NEDD4L: variants seen among roughly 807,000 people sequenced by gnomAD.
NEDD4L encodes E3 ubiquitin-protein ligase NEDD4-like.
NEDD4L carries 54 observed loss-of-function variants against 148.9 expected under a neutral mutation model. The ratio of observed to expected loss-of-function variants is 0.36; its 90% CI spans 0.29 to 0.45. The LOEUF is 0.45. Among genes scored for constraint, NEDD4L ranks in the 20% least tolerant of loss-of-function variants. NEDD4L has a pLI of 1.00. For synonymous variants in NEDD4L, 433 were observed against 440.7 expected (o/e 0.98, Z 0.22); for missense variants, 856 against 1,233.8 (o/e 0.69, Z 4.59).
rs2041542648 is a variant in NEDD4L, at chr18:58,202,615, C to CTCCAGCCTG, written c.122+36755_122+36763dup. On this transcript the variant is annotated intron_variant, in intron 2 of 30. Coordinates refer to ENST00000400345, the MANE Select transcript of NEDD4L (RefSeq NM_001144967.3). ...ATTTGCACTTCCTCCTGGTGCGCTC[C>CTCCAGCCTG]TCCAGCCTGCCTGTCCTGTTCACAC... is the stretch of plus-strand genomic sequence containing the variant. Among the ~76,000 whole-genome samples the CTCCAGCCTG allele has an allele frequency of 2.0e-5, 3 of 152,240 alleles. No individual in the cohort carries two copies. The South Asian group carries it at 6.2e-4, about 31-fold the overall frequency.
chr18:58,298,848 C>T (rs1334684589), intron 5 of NEDD4L, among the ~76,000 whole-genome samples: 1 of 152,192 alleles, frequency 6.6e-6, no homozygotes, highest in African/African-American at 2.4e-5. Context: ...CATATTATTT[C>T]TTCCAGCAAA....
intron 5 of NEDD4L, among the ~76,000 whole-genome samples, chr18:58,260,455 C>T (rs2049214549): frequency 6.6e-6 from 1 of 152,218 alleles, no homozygotes; most frequent in African/African-American, 2.4e-5. Flanking sequence ...GTTTCTGTAG[C>T]ACTTCACAAT....
intron 18 of NEDD4L, among the ~76,000 whole-genome samples, chr18:58,352,044 T>G (rs954626096): frequency 1.3e-5 from 2 of 152,218 alleles, no homozygotes; most frequent in South Asian, 2.1e-4. Context: ...GAGGGCTTAT[T>G]ATAAATGGAA....
chr18:58,141,605 AATC>A (rs1242199783), intron 1 of NEDD4L, among the ~76,000 whole-genome samples: 1 of 152,180 alleles, frequency 6.6e-6, no homozygotes, highest in Non-Finnish European at 1.5e-5. Flanking sequence ...GTGTACAAAC[AATC>A]AGGAATTCAT....
chr18:58,089,719 A>G (rs1265032518), intron 1 of NEDD4L, among the ~76,000 whole-genome samples: 1 of 152,220 alleles, frequency 6.6e-6, no homozygotes, highest in Non-Finnish European at 1.5e-5. Flanking sequence ...GCAGTTCTAC[A>G]GGCCAGAAGC....
chr18:58,128,281 A>T (rs772085723), intron 1 of NEDD4L, among the ~76,000 whole-genome samples: 14 of 152,164 alleles, frequency 9.2e-5, no homozygotes, highest in Non-Finnish European at 1.8e-4. Flanking sequence ...TCCTGGCCTC[A>T]GGTGATCCAC....
At chr18:58,392,464 C>T (rs1254906699) in intron 30 of NEDD4L, among the ~76,000 whole-genome samples, 1 of 152,170 alleles carries the variant, frequency 6.6e-6, no homozygotes, top group Non-Finnish European at 1.5e-5. Flanking sequence ...TTCTCATGAA[C>T]ATGTGTTTGC....
intron 24 of NEDD4L, among the ~76,000 whole-genome samples, chr18:58,374,424 T>G (rs1864921): frequency 0.51 from 76,686 of 151,766 alleles, 20,418 homozygotes; most frequent in African/African-American, 0.69. Context: ...ATCAAGTCCT[T>G]TAAAAATCTC....
rs904492158 is a variant in NEDD4L, at chr18:58,342,918, T to C, written c.1390T>C (p.Ser464Pro). 6.2e-7 allele frequency: 1 copy of C among 1,608,348 alleles called. No homozygotes were observed. The highest frequency in any genetic ancestry group is 8.5e-7 in the Non-Finnish European group (1 of 1,177,370). Reference sequence around the variant, plus strand: ...TGTTATTCTTTAGGGTGCCAAGGACTCACCCGTACGTCGGGCTGTGAAAGA... The same window carrying C: ...TGTTATTCTTTAGGGTGCCAAGGACCCACCCGTACGTCGGGCTGTGAAAGA... ...LSAPLEGAKDSPVRRAVKDTL... is the reference protein window; with the variant it reads ...LSAPLEGAKDPPVRRAVKDTL... Residue 464 changes from serine (S) to proline (P), a missense_variant, in exon 16 of 31, where the codon TCA becomes CCA. Physicochemically the swap from Ser to Pro is moderately conservative, Grantham distance 74. This residue lies in a region of NEDD4L where 367 missense variants were observed against 422.7 expected (regional missense o/e 0.87). Transcript: ENST00000400345.
In NEDD4L at chr18:58,366,533, G is replaced by A. The variant is rs2046129280; in HGVS notation, c.2063+305G>A. ...CGATTTTCATTTGCAGTGTTCAAGAGGAGGACTTGTCAGTGTTAGAATTCA... is the reference window on the plus strand; with the variant it reads ...CGATTTTCATTTGCAGTGTTCAAGAAGAGGACTTGTCAGTGTTAGAATTCA... On this transcript the variant is annotated intron_variant, in intron 21 of 30. Coordinates refer to ENST00000400345, the MANE Select transcript of NEDD4L (RefSeq NM_001144967.3). This position sits in a 1 kb window ranked among gnomAD's most constrained non-coding sequence, Gnocchi z 4.2. 3.9e-6 allele frequency: 1 copy of A among 254,682 alleles called. No homozygotes were observed. Among genetic ancestry groups the A allele is most frequent in the Non-Finnish European group, 7.4e-6 (1 of 134,644 alleles). The allele number at this position is 254,682 out of a possible 1,614,324, so 15.8% of individuals were successfully genotyped here. A position where few individuals can be genotyped will look rare whatever the true frequency, so the allele number is the denominator to read the frequency against.
intron 1 of NEDD4L, among the ~76,000 whole-genome samples, chr18:58,114,361 T>TATACAC (rs1555695638): frequency 1.3e-5 from 2 of 150,786 alleles, no homozygotes; most frequent in African/African-American, 4.9e-5. Context: ...TATATATATA[T>TATACAC]ACACACACAC....
At chr18:58,220,546 C>T (rs925510185) in intron 2 of NEDD4L, among the ~76,000 whole-genome samples, 7 of 152,238 alleles carry the variant, frequency 4.6e-5, no homozygotes, top group African/African-American at 9.6e-5. Flanking sequence ...ATCTTCCCCC[C>T]ACCTCTGGAA....
intron 2 of NEDD4L, among the ~76,000 whole-genome samples, chr18:58,190,140 A>G (rs1044405819): frequency 2.0e-5 from 3 of 152,224 alleles, no homozygotes; most frequent in Non-Finnish European, 4.4e-5. Flanking sequence ...CAATTAACAT[A>G]TTGTTCAAAG....
At chr18:58,142,962 G>A (rs1042575186) in intron 1 of NEDD4L, among the ~76,000 whole-genome samples, 2 of 152,200 alleles carry the variant, frequency 1.3e-5, no homozygotes, top group African/African-American at 4.8e-5. Context: ...AGGGGGTCCA[G>A]CCTGCATGAT....
In NEDD4L at chr18:58,044,568, C is replaced by CG. The variant is rs1192704085; in HGVS notation, c.-87dup. ...GCGTGCGCAGGGTAGGGTGCGGGAC[C>CG]GGGGGGACCTGGAGGCAGAGGGGAG... On this transcript the variant is annotated 5_prime_UTR_variant, in exon 1 of 31. Transcript: ENST00000400345. 3.5e-6 allele frequency: 5 copies of CG among 1,412,622 alleles called. No homozygotes were observed. The African/African-American group carries it at 4.5e-5, about 13-fold the overall frequency. 87.5% of individuals were successfully genotyped at this position (1,412,622 alleles called of 1,614,324 possible). A position where few individuals can be genotyped will look rare whatever the true frequency, so the allele number is the denominator to read the frequency against.
At chr18:58,283,994 C>T (rs2053554365) in intron 5 of NEDD4L, among the ~76,000 whole-genome samples, 1 of 152,162 alleles carries the variant, frequency 6.6e-6, no homozygotes, top group African/African-American at 2.4e-5. Context: ...TTCTACAAGG[C>T]AGGGAACTCC....
rs181748280 is a variant in NEDD4L, at chr18:58,364,951, C to A, written c.1833+618C>A. 2.6e-5 allele frequency among the ~76,000 whole-genome samples: 4 copies of A among 152,342 alleles called. 1 individual carries two copies. Among genetic ancestry groups the A allele is most frequent in the Admixed American group, 2.6e-4 (4 of 15,300 alleles). Reference sequence around the variant, plus strand: ...GTTCAACATTGCATCCTCTGTTTTACTTTCCGATTCCTCCTTAGCAGTTTT... The same window carrying A: ...GTTCAACATTGCATCCTCTGTTTTAATTTCCGATTCCTCCTTAGCAGTTTT... On this transcript the variant is annotated intron_variant, in intron 20 of 30. Transcript: ENST00000400345.
rs1366343386 is a variant in NEDD4L at position 58,366,231 on chromosome 18, A to G, written c.2063+3A>G. 1 of 1,587,294 alleles carries G rather than the reference A, an allele frequency of 6.3e-7. No homozygotes were observed. Among genetic ancestry groups the G allele is most frequent in the Non-Finnish European group, 8.6e-7 (1 of 1,162,646 alleles). On this transcript the variant is annotated splice_donor_region_variant and intron_variant, in intron 21 of 30. Transcript: ENST00000400345. This position sits in a 1 kb window ranked among gnomAD's most constrained non-coding sequence, Gnocchi z 4.2. ...GGCCTCTTTGAGTACTCTGCCACGT[A>G]AGTATATGGCCACACCCAGTGTGTG...
intron 1 of NEDD4L, among the ~76,000 whole-genome samples, chr18:58,129,709 T>C (rs1355994272): frequency 1.3e-5 from 2 of 152,258 alleles, no homozygotes; most frequent in Admixed American, 6.5e-5. Flanking sequence ...CGTGGCTTCA[T>C]TGGGATTTGG....
Sources: allele counts gnomAD v4.1 joint callset (sites outside exome capture counted in the v4.1 genomes callset), GRCh38; gene constraint gnomAD v4.1.1; regional missense constraint gnomAD v4.1.1; non-coding constraint Gnocchi (gnomAD v3.1); transcripts MANE v1.5; gene names NCBI Gene and HGNC (gene_info 2026-07-23, HGNC 2026-07-21).